The following CCDC63 variants were observed in gnomAD, a reference collection of about 807,000 sequenced individuals.
CCDC63 encodes the protein coiled-coil domain-containing protein 63.
In CCDC63, 54 loss-of-function variants were observed where a neutral mutation model predicts 63.6. That is an observed-to-expected ratio of 0.85 (90% CI 0.68 to 1.07). The LOEUF (loss-of-function observed/expected upper bound fraction) is 1.07, where lower values mean the gene tolerates loss of function less well. CCDC63 is among the 50% of genes least tolerant of loss of function. The pLI is 0.00. For synonymous variants in CCDC63, 253 were observed against 266.1 expected (o/e 0.95, Z 0.48); for missense variants, 637 against 689.6 (o/e 0.92, Z 0.86).
At position 110,880,100 on chromosome 12, in the gene CCDC63, T is replaced by C. The variant is rs35762292; in HGVS notation, c.671+13T>C. The C allele has an allele frequency of 0.2, 315,945 of 1,611,860 alleles. 33,369 individuals are homozygous for C. Among genetic ancestry groups the C allele is most frequent in the Admixed American group, 0.25 (15,196 of 59,936 alleles). On this transcript the variant is annotated intron_variant, in intron 6 of 11. Coordinates refer to ENST00000308208, the MANE Select transcript of CCDC63 (RefSeq NM_152591.3). ...CCTATGAGCAGAGGTGGGCTGGGGA[T>C]AGGTCCAGGGGCAGCGAGGTCTCTT...
In CCDC63 at chr12:110,858,567, T is replaced by C. The variant is rs1484994737; in HGVS notation, c.180-19T>C. ...AAACTTAGGGGTTTGGGGTTAATCA[T>C]GGGCTGCTTTTCCAACAGCAAGGAG... On this transcript the variant is annotated intron_variant, in intron 3 of 11. Transcript: ENST00000308208. 1.2e-6 allele frequency: 2 copies of C among 1,600,490 alleles called. No homozygotes were observed. The highest frequency in any genetic ancestry group is 2.2e-5 in the East Asian group (1 of 44,638).
In CCDC63 at chr12:110,888,788, TC is replaced by T. The variant is rs1486931855; in HGVS notation, c.1075-4286del. 4.9e-3 allele frequency among the ~76,000 whole-genome samples: 21 copies of T among 4,290 alleles called. 1 individual carries two copies. In the South Asian group the frequency reaches 0.11, roughly 22 times the overall value. The allele number at this position is 4,290 out of a possible 152,430, so 2.8% of individuals were successfully genotyped here. A position where few individuals can be genotyped will look rare whatever the true frequency, so the allele number is the denominator to read the frequency against. On this transcript the variant is annotated intron_variant, in intron 8 of 11. Coordinates refer to ENST00000308208, the MANE Select transcript of CCDC63 (RefSeq NM_152591.3). ...TCCAACTTTTTTTTTGGTCCTTCTT[TC>T]CTTCCTTCCTTCCTTCCTTCCTTCC...
intron 5 of CCDC63, among the ~76,000 whole-genome samples, chr12:110,876,778 A>AG (rs907058756): frequency 6.6e-6 from 1 of 151,962 alleles, no homozygotes; most frequent in African/African-American, 2.4e-5. Context: ...TCACATCTAT[A>AG]ATCCAAGCAC....
chr12:110,866,437 C>T lies in CCDC63; in HGVS notation c.370-7405C>T, dbSNP rs1426375684. 7.8e-4 allele frequency among the ~76,000 whole-genome samples: 115 copies of T among 147,370 alleles called. 2 individuals carry two copies. The highest frequency in any genetic ancestry group is 2.5e-3 in the African/African-American group (99 of 39,614). The stretch of plus-strand genomic sequence containing the variant: ...CAGATAAACAAGTGAACAAAGGTCT[C>T]TGGTTTTCCTAGGCAGAGGACCCTG... On this transcript the variant is annotated intron_variant, in intron 4 of 11. Transcript: ENST00000308208.
intron 11 of CCDC63, among the ~76,000 whole-genome samples, chr12:110,905,584 T>C (rs1376967933): frequency 6.6e-6 from 1 of 151,614 alleles, no homozygotes; most frequent in Non-Finnish European, 1.5e-5. Context: ...CCCTTAGAGA[T>C]TGGTTAAATA....
At chr12:110,875,359 T>A (rs778913824) in intron 5 of CCDC63, among the ~76,000 whole-genome samples, 6 of 152,190 alleles carry the variant, frequency 3.9e-5, no homozygotes, top group African/African-American at 7.2e-5. Context: ...ATGCCTGGCA[T>A]GGTGTTTAAT....
At chr12:110,872,711 G>C (rs61940982) in intron 4 of CCDC63, among the ~76,000 whole-genome samples, 12,719 of 152,028 alleles carry the variant, frequency 0.084, 708 homozygotes, top group Non-Finnish European at 0.13. Context: ...CTGCAGCTTC[G>C]ACCTCCTAGG....
At chr12:110,858,485 A>G (rs2070807251) in intron 3 of CCDC63, 101 bp from the exon 4 acceptor site, 10 of 989,356 alleles carry the variant, frequency 1.0e-5, no homozygotes, top group East Asian at 2.6e-5. Flanking sequence ...CAGGTGGGAA[A>G]TTCCTCTCTC....
chr12:110,855,079 C>G (rs139387157), intron 3 of CCDC63, among the ~76,000 whole-genome samples: 1 of 152,326 alleles, frequency 6.6e-6, no homozygotes, highest in African/African-American at 2.4e-5. Context: ...GCGTGAGCCA[C>G]CATGCCCGGC....
At chr12:110,898,313 G>A (rs914300106) in intron 9 of CCDC63, among the ~76,000 whole-genome samples, 1 of 149,712 alleles carries the variant, frequency 6.7e-6, no homozygotes, top group African/African-American at 2.5e-5. Flanking sequence ...AAAAATTAAA[G>A]AGTCAACAGC....
chr12:110,849,221 A>G (rs1013995355), intron 1 of CCDC63, among the ~76,000 whole-genome samples: 2 of 152,226 alleles, frequency 1.3e-5, no homozygotes, highest in South Asian at 2.1e-4. Flanking sequence ...TTAGGCTTCA[A>G]TGAACAAAAT....
chr12:110,888,851 T>TTCCTTCCC lies in CCDC63; in HGVS notation c.1075-4218_1075-4217insCTCCTTCC, dbSNP rs1555255134. On this transcript the variant is annotated intron_variant, in intron 8 of 11. Transcript: ENST00000308208. Reference sequence around the variant, plus strand: ...CTTCCTTCCTTCCTTCCTTCCTTCCTTCCTTCCTTCGTTTTTCTTTCTTTT... The same window carrying TTCCTTCCC: ...CTTCCTTCCTTCCTTCCTTCCTTCCTTCCTTCCCTCCTTCCTTCGTTTTTCTTTCTTTT... Among the ~76,000 whole-genome samples, 240 of 80,570 alleles carry TTCCTTCCC rather than the reference T, an allele frequency of 3.0e-3. 5 individuals are homozygous for TTCCTTCCC. Among genetic ancestry groups the TTCCTTCCC allele is most frequent in the African/African-American group, 7.0e-3 (176 of 25,254 alleles). The allele number at this position is 80,570 out of a possible 152,430, so 52.9% of individuals were successfully genotyped here.
intron 2 of CCDC63, 75 bp downstream of exon 2, chr12:110,853,038 G>C: frequency 6.7e-7 from 1 of 1,487,550 alleles, no homozygotes; most frequent in Middle Eastern, 1.7e-4. Flanking sequence ...TTACACGTTA[G>C]CTCGTCTCAT....
At chr12:110,904,872 C>A in intron 11 of CCDC63, 81 bp downstream of exon 11, 1 of 1,168,884 alleles carries the variant, frequency 8.6e-7, no homozygotes, top group South Asian at 1.5e-5. Flanking sequence ...TCCAGGTGCC[C>A]GAGAGGGTCT....
chr12:110,893,039 C>T, intron 8 of CCDC63, 37 bp from the exon 9 acceptor site: 1 of 1,566,592 alleles, frequency 6.4e-7, no homozygotes, highest in Non-Finnish European at 8.8e-7. Flanking sequence ...GAGGGAAGAG[C>T]CCACTTTTCC....
chr12:110,904,377 C>G (rs1027567946), intron 10 of CCDC63, among the ~76,000 whole-genome samples: 4 of 151,972 alleles, frequency 2.6e-5, no homozygotes, highest in Non-Finnish European at 5.9e-5. Context: ...TCTCAAGAAC[C>G]AAATTTCAGC....
intron 8 of CCDC63, among the ~76,000 whole-genome samples, chr12:110,886,739 G>A (rs1388066312): frequency 6.6e-6 from 1 of 152,128 alleles, no homozygotes; most frequent in Non-Finnish European, 1.5e-5. Context: ...AGCCCTGCAG[G>A]TCCCAGGCAG....
intron 5 of CCDC63, among the ~76,000 whole-genome samples, chr12:110,875,738 A>G (rs2071121537): frequency 6.6e-6 from 1 of 152,016 alleles, no homozygotes; most frequent in African/African-American, 2.4e-5. Flanking sequence ...TGTTTTTTGT[A>G]TCTCAAACTG....
chr12:110,888,798 CTT>C (rs1566134607), intron 8 of CCDC63, among the ~76,000 whole-genome samples: 16 of 51,460 alleles, frequency 3.1e-4, no homozygotes, highest in African/African-American at 1.6e-3. Flanking sequence ...TCCTTCCTTC[CTT>C]CCTTCCTTCC....
Sources: allele counts gnomAD v4.1 joint callset (sites outside exome capture counted in the v4.1 genomes callset), GRCh38; gene constraint gnomAD v4.1.1; transcripts MANE v1.5; gene names NCBI Gene and HGNC (gene_info 2026-07-23, HGNC 2026-07-21).